The following ENPP3 variants were observed in gnomAD, a reference collection of about 807,000 sequenced individuals.
ENPP3 encodes ectonucleotide pyrophosphatase/phosphodiesterase family member 3.
A neutral mutation model predicts 117.8 loss-of-function variants in ENPP3; 104 were observed. That is an observed-to-expected ratio of 0.88 (90% CI 0.75 to 1.04). The LOEUF (loss-of-function observed/expected upper bound fraction) is 1.04. ENPP3 is among the 50% of genes least tolerant of loss of function. The pLI is 0.00. For synonymous variants in ENPP3, 380 were observed against 349.9 expected, an observed-to-expected ratio of 1.09 and a Z score of -0.96; for missense variants, 1,026 against 1,051.9, an observed-to-expected ratio of 0.98 and a Z score of 0.34.
chr6:131,740,250 T>A lies in ENPP3; in HGVS notation c.2327T>A (p.Ile776Asn). The A allele has an allele frequency of 1.9e-6, 3 of 1,608,500 alleles. No homozygotes were observed. The highest frequency in any genetic ancestry group is 2.5e-6 in the Non-Finnish European group (3 of 1,177,366). Residue 776 changes from isoleucine to asparagine, a missense_variant, in exon 24 of 25, where the codon ATC (isoleucine) becomes AAC (asparagine). Coordinates refer to ENST00000357639, the MANE Select transcript of ENPP3 (RefSeq NM_005021.5). ...CATTTAGCCAACACTGATGTTCCCATCCCAACACACTACTTTGTGGTGCTG... is the reference window on the plus strand; with the variant it reads ...CATTTAGCCAACACTGATGTTCCCAACCCAACACACTACTTTGTGGTGCTG... ...TKHLANTDVP[I>N]PTHYFVVLTS...
At chr6:131,646,378 T>C (rs1778153776) in intron 2 of ENPP3, among the ~76,000 whole-genome samples, 1 of 152,092 alleles carries the variant, frequency 6.6e-6, no homozygotes, top group Non-Finnish European at 1.5e-5. Flanking sequence ...ATGTTGTTTG[T>C]TCAGTGTTTG....
chr6:131,645,917 C>T (rs998312673), intron 2 of ENPP3, among the ~76,000 whole-genome samples: 8 of 152,122 alleles, frequency 5.3e-5, no homozygotes, highest in Non-Finnish European at 7.3e-5. Flanking sequence ...ATAATTTACG[C>T]TCTTCAATTC....
At chr6:131,725,399 A>C (rs1780133448) in intron 19 of ENPP3, among the ~76,000 whole-genome samples, 1 of 152,114 alleles carries the variant, frequency 6.6e-6, no homozygotes, top group Non-Finnish European at 1.5e-5. Flanking sequence ...ATTCCTCATA[A>C]AGGGCCTTCT....
At chr6:131,676,126 G>A (rs1228147743) in intron 9 of ENPP3, among the ~76,000 whole-genome samples, 3 of 151,962 alleles carry the variant, frequency 2.0e-5, no homozygotes, top group African/African-American at 4.8e-5. Flanking sequence ...CCATGGATCC[G>A]AATGCCTACT....
intron 15 of ENPP3, among the ~76,000 whole-genome samples, chr6:131,716,173 A>G (rs116802558): frequency 0.011 from 1,717 of 152,296 alleles, 32 homozygotes; most frequent in African/African-American, 0.039. Context: ...GTTCCAAAAT[A>G]TTTCATATGG....
intron 11 of ENPP3, among the ~76,000 whole-genome samples, chr6:131,682,476 A>G (rs1443599249): frequency 6.6e-6 from 1 of 152,190 alleles, no homozygotes; most frequent in Admixed American, 6.5e-5. Context: ...CCTGGGCAAC[A>G]GAGTAAGACC....
At chr6:131,664,913 A>G (rs12193980) in intron 6 of ENPP3, among the ~76,000 whole-genome samples, 12,395 of 152,166 alleles carry the variant, frequency 0.081, 856 homozygotes, top group East Asian at 0.33. Flanking sequence ...TCTTTAAGCA[A>G]TGCGTGACTG....
chr6:131,724,226 TAAAA>T, intron 19 of ENPP3, 135 bp downstream of exon 19: 1 of 416,518 alleles, frequency 2.4e-6, no homozygotes, highest in Non-Finnish European at 3.9e-6. Flanking sequence ...ATACAAAAGG[TAAAA>T]AAAAAAAAAC....
At chr6:131,663,560 G>A (rs1778550811) in intron 6 of ENPP3, among the ~76,000 whole-genome samples, 1 of 148,726 alleles carries the variant, frequency 6.7e-6, no homozygotes, top group Admixed American at 6.8e-5. Context: ...TAAGCACAAT[G>A]GGGTGTGCCA....
chr6:131,692,461 G>T (rs1308994873), intron 14 of ENPP3, among the ~76,000 whole-genome samples: 2 of 151,706 alleles, frequency 1.3e-5, no homozygotes, highest in African/African-American at 4.8e-5. Flanking sequence ...CTAAGCAAAT[G>T]TAGGTTATTT....
At chr6:131,674,787 A>G (rs1778830126) in intron 8 of ENPP3, among the ~76,000 whole-genome samples, 1 of 151,524 alleles carries the variant, frequency 6.6e-6, no homozygotes, top group Non-Finnish European at 1.5e-5. Context: ...GGCCGGGATG[A>G]TCTCTATCTC....
chr6:131,650,242 CAG>C (rs1778235546), intron 3 of ENPP3, 93 bp downstream of exon 3: 2 of 1,369,320 alleles, frequency 1.5e-6, no homozygotes, highest in Non-Finnish European at 2.1e-6. Flanking sequence ...TTTTTTGAGA[CAG>C]AGTGTCACTC....
chr6:131,738,348 T>C (rs1415460956), intron 23 of ENPP3, among the ~76,000 whole-genome samples, 185 bp downstream of exon 23: 1 of 152,096 alleles, frequency 6.6e-6, no homozygotes, highest in Non-Finnish European at 1.5e-5. Context: ...TTTAAACTAA[T>C]GGGCAAAGAA....
chr6:131,686,064 T>C (rs1332926506), intron 14 of ENPP3, among the ~76,000 whole-genome samples, 157 bp downstream of exon 14: 3 of 152,220 alleles, frequency 2.0e-5, no homozygotes, highest in Non-Finnish European at 4.4e-5. Context: ...TATTAGTTGC[T>C]TTTATCTTAG....
At chr6:131,736,666 G>A (rs1780404630) in intron 21 of ENPP3, among the ~76,000 whole-genome samples, 1 of 151,916 alleles carries the variant, frequency 6.6e-6, no homozygotes, top group African/African-American at 2.4e-5. Context: ...ATTTTATTTT[G>A]GAAGACAGCT....
chr6:131,684,381 A>G (rs1444601426), intron 12 of ENPP3, among the ~76,000 whole-genome samples: 2 of 152,238 alleles, frequency 1.3e-5, no homozygotes, highest in Non-Finnish European at 2.9e-5. Context: ...ATTAATGAAA[A>G]TAATAATTTA....
chr6:131,695,652 A>T (rs1450458908), intron 15 of ENPP3, among the ~76,000 whole-genome samples: 1 of 152,166 alleles, frequency 6.6e-6, no homozygotes, highest in Non-Finnish European at 1.5e-5. Flanking sequence ...ACGGTGGCTC[A>T]CGCCTGTAAT....
chr6:131,724,026 T>C lies in ENPP3; in HGVS notation c.1747-14T>C, dbSNP rs372676588. The C allele has an allele frequency of 1.1e-4, 181 of 1,602,762 alleles. No homozygotes were observed. Among genetic ancestry groups the C allele is most frequent in the Non-Finnish European group, 1.5e-4 (171 of 1,171,082 alleles). On this transcript the variant is annotated splice_polypyrimidine_tract_variant and intron_variant, in intron 18 of 24. Transcript: ENST00000357639. ...CTTATTTCCTCCCCTTTCCCATCCCTCATTATCTTGCAGAGTACTCAGCTG... is the reference window on the plus strand; with the variant it reads ...CTTATTTCCTCCCCTTTCCCATCCCCCATTATCTTGCAGAGTACTCAGCTG...
rs1197806831 is a variant in ENPP3, at chr6:131,718,671, G to A, written c.1413-1G>A. 1 of 1,544,994 alleles carries A rather than the reference G, an allele frequency of 6.5e-7. No homozygotes were observed. The highest frequency in any genetic ancestry group is 2.3e-5 in the East Asian group (1 of 44,284). ...TGTGTAATAATATTTTTTCTTTATA[G>A]GAGTAAATCAAATACAAATTGTGGA... On this transcript the variant is annotated splice_acceptor_variant, in intron 15 of 24. Coordinates refer to ENST00000357639, the MANE Select transcript of ENPP3 (RefSeq NM_005021.5). LOFTEE classifies it high-confidence loss of function.
Sources: allele counts gnomAD v4.1 joint callset (sites outside exome capture counted in the v4.1 genomes callset), GRCh38; gene constraint gnomAD v4.1.1; transcripts MANE v1.5; gene names NCBI Gene and HGNC (gene_info 2026-07-23, HGNC 2026-07-21).